The following WDFY4 variants were observed in gnomAD, a reference collection of about 807,000 sequenced individuals.
WDFY4 encodes WDFY family member 4, also known as WD repeat- and FYVE domain-containing protein 4.
WDFY4 carries 169 observed loss-of-function variants against 351.9 expected under a neutral mutation model. The ratio of observed to expected loss-of-function variants is 0.48; its 90% CI spans 0.42 to 0.55. The LOEUF (loss-of-function observed/expected upper bound fraction) is 0.55, where lower values mean the gene tolerates loss of function less well. Among genes scored for constraint, WDFY4 ranks in the 20% least tolerant of loss-of-function variants. The probability of loss-of-function intolerance (pLI) is 0.00; values close to 1 mark genes in which losing one functional copy is unlikely to be tolerated. For synonymous variants in WDFY4, 1,622 were observed against 1,574.6 expected (o/e 1.03, Z -0.71); for missense variants, 3,803 against 3,935.6 (o/e 0.97, Z 0.90).
chr10:48,688,923 G>A lies in WDFY4; in HGVS notation c.-18+3922G>A, dbSNP rs1008190419. 3.3e-5 allele frequency among the ~76,000 whole-genome samples: 5 copies of A among 152,198 alleles called. No individual in the cohort carries two copies. The East Asian group carries it at 7.7e-4, about 23-fold the overall frequency. ...TATCACCTACTGAGCTGGCTTGAGG[G>A]CAGTAGAAGCAGATTTGGAAGGTGG... On this transcript the variant is annotated intron_variant, in intron 1 of 61. Transcript: ENST00000325239.
chr10:48,886,988 G>A (rs2070483186), intron 43 of WDFY4, among the ~76,000 whole-genome samples: 1 of 152,246 alleles, frequency 6.6e-6, no homozygotes, highest in African/African-American at 2.4e-5. Flanking sequence ...TTAAATGGAA[G>A]AGCAGGTAAT....
At chr10:48,715,808 C>CTT (rs11101438) in intron 2 of WDFY4, among the ~76,000 whole-genome samples, 1,680 of 141,284 alleles carry the variant, frequency 0.012, 32 homozygotes, top group African/African-American at 0.041. Context: ...CTTTTCTTTT[C>CTT]TTTTTTTTTT....
chr10:48,949,755 C>A (rs1021731195), intron 51 of WDFY4, among the ~76,000 whole-genome samples: 1 of 152,148 alleles, frequency 6.6e-6, no homozygotes, highest in Non-Finnish European at 1.5e-5. Context: ...TGCTACCACC[C>A]GCCTATTACC....
At chr10:48,915,693 T>C (rs989293086) in intron 47 of WDFY4, among the ~76,000 whole-genome samples, 1 of 152,292 alleles carries the variant, frequency 6.6e-6, no homozygotes, top group South Asian at 2.1e-4. Context: ...AATCCCACTG[T>C]CACCACTCAT....
At chr10:48,938,602 G>T (rs1195238186) in intron 47 of WDFY4, among the ~76,000 whole-genome samples, 1 of 152,222 alleles carries the variant, frequency 6.6e-6, no homozygotes, top group African/African-American at 2.4e-5. Flanking sequence ...GCCCAAGGGA[G>T]AAGAGTCAAA....
At chr10:48,826,977 G>T in intron 36 of WDFY4, 68 bp downstream of exon 36, 4 of 1,301,652 alleles carry the variant, frequency 3.1e-6, no homozygotes, top group Non-Finnish European at 4.3e-6. Flanking sequence ...TTAGAGGAAA[G>T]CTTGATTGAG....
In WDFY4 at chr10:48,743,488, A is replaced by G; in HGVS notation, c.2399A>G (p.Lys800Arg). The G allele has an allele frequency of 3.2e-6, 5 of 1,545,052 alleles. No individual in the cohort carries two copies. The highest frequency in any genetic ancestry group is 4.4e-6 in the Non-Finnish European group (5 of 1,146,830). ...CAGGGGCCGGTTGTGGATGTTCAGA[A>G]GGGAGAAACTGGCAGTGACCCCCAA... Reference protein sequence around the residue: ...TKQGPVVDVQKGETGSDPQRN... With the variant: ...TKQGPVVDVQRGETGSDPQRN... Residue 800 changes from lysine (K) to arginine (R), a missense_variant, in exon 12 of 62, where the codon AAG becomes AGG. Lys to Arg is a conservative substitution (Grantham distance 26). Transcript: ENST00000325239.
chr10:48,715,629 A>AT (rs895921857), intron 2 of WDFY4, among the ~76,000 whole-genome samples: 3 of 151,706 alleles, frequency 2.0e-5, no homozygotes, highest in South Asian at 2.1e-4. Context: ...TTATTTTTTT[A>AT]TTTTTTTTAT....
intron 40 of WDFY4, 27 bp from the exon 41 acceptor site, chr10:48,873,464 C>T: frequency 2.6e-6 from 4 of 1,524,074 alleles, no homozygotes; most frequent in Non-Finnish European, 3.5e-6. Flanking sequence ...CAAATGTATC[C>T]AGGGTGACTC....
intron 39 of WDFY4, among the ~76,000 whole-genome samples, chr10:48,849,569 A>G (rs976981066): frequency 7.2e-5 from 11 of 152,200 alleles, no homozygotes; most frequent in African/African-American, 2.7e-4. Context: ...AGAGACTCCC[A>G]TTCTCCATCC....
Position 48,786,685 on chromosome 10 carries a change from C to T in WDFY4, c.3623C>T (p.Pro1208Leu), listed in dbSNP as rs896419288. The part of the protein sequence containing the change: ...ALPGPFLSMD[P>L]SAFVDVYGYI... ...CCAGGGCCTTTCCTTTCTATGGATC[C>T]ATCCGCATTTGTGGATGTTTATGGA... The change falls in exon 20 of 62, where the codon CCA (proline) becomes CTA (leucine). Residue 1208 changes from proline (P) to leucine (L), a missense_variant. Pro to Leu is a moderately conservative substitution (Grantham distance 98). This residue lies in a region of WDFY4 where 3,054 missense variants were observed against 3,148.6 expected (regional missense o/e 0.97). Coordinates refer to ENST00000325239, the MANE Select transcript of WDFY4 (RefSeq NM_001394531.1). 4 of 1,552,000 alleles carry T rather than the reference C, an allele frequency of 2.6e-6. No individual in the cohort carries two copies. The African/African-American group carries it at 4.1e-5, about 16-fold the overall frequency.
At chr10:48,941,541 G>A (rs1163362009) in intron 47 of WDFY4, among the ~76,000 whole-genome samples, 1 of 152,206 alleles carries the variant, frequency 6.6e-6, no homozygotes, top group Non-Finnish European at 1.5e-5. Context: ...ATGTCCCCTG[G>A]AATTCTTGAG....
At chr10:48,928,255 C>T (rs114279651) in intron 47 of WDFY4, among the ~76,000 whole-genome samples, 3,228 of 152,224 alleles carry the variant, frequency 0.021, 118 homozygotes, top group African/African-American at 0.071. Flanking sequence ...CTGAACCCCA[C>T]AAGCTTCAGC....
intron 39 of WDFY4, among the ~76,000 whole-genome samples, chr10:48,855,958 A>G (rs142596425): frequency 0.011 from 1,623 of 152,272 alleles, 27 homozygotes; most frequent in African/African-American, 0.037. Flanking sequence ...AAAACAGTAT[A>G]TATAGGGTTC....
chr10:48,783,560 GT>G (rs2066297501), intron 19 of WDFY4, among the ~76,000 whole-genome samples: 1 of 151,438 alleles, frequency 6.6e-6, no homozygotes, highest in African/African-American at 2.4e-5. Flanking sequence ...TGATTTTATA[GT>G]AATTATAAGA....
chr10:48,935,439 G>A (rs1025104596), intron 47 of WDFY4, among the ~76,000 whole-genome samples: 12 of 152,230 alleles, frequency 7.9e-5, no homozygotes, highest in Admixed American at 3.3e-4. Flanking sequence ...GGAGAGGATC[G>A]AATCAGAGCC....
At chr10:48,948,506 T>C (rs901609067) in intron 51 of WDFY4, among the ~76,000 whole-genome samples, 2 of 152,202 alleles carry the variant, frequency 1.3e-5, no homozygotes, top group Non-Finnish European at 2.9e-5. Flanking sequence ...GGCTGCATTA[T>C]AACCCAAAAC....
chr10:48,966,962 ATC>A (rs1158984282), intron 55 of WDFY4: 7 of 406,980 alleles, frequency 1.7e-5, no homozygotes, highest in Admixed American at 8.2e-5. Context: ...ACACACACAC[ATC>A]TCTCTTCCTC....
In WDFY4 at chr10:48,871,394, T is replaced by C. The variant is rs141969551; in HGVS notation, c.6742-2097T>C. Among the ~76,000 whole-genome samples, 542 of 152,226 alleles carry C rather than the reference T, an allele frequency of 3.6e-3. 1 individual carries two copies. The highest frequency in any genetic ancestry group is 0.012 in the African/African-American group (502 of 41,554). ...CTGAAATATTTCTGCCAAACGAGTG[T>C]TCATTCTATGTGACCAAGTCTCTGT... is the stretch of plus-strand genomic sequence containing the variant. On this transcript the variant is annotated intron_variant, in intron 40 of 61. Transcript: ENST00000325239.
Sources: gnomAD v4.1 joint callset for allele counts (sites outside exome capture counted in the v4.1 genomes callset) on GRCh38, gnomAD v4.1.1 for gene constraint, gnomAD v4.1.1 regional missense constraint, MANE v1.5 for transcripts, NCBI Gene and HGNC (gene_info 2026-07-23, HGNC 2026-07-21) for gene names.